Variants in GLYR1 observed in about 807,000 individuals in gnomAD.
GLYR1 encodes the protein cytokine-like nuclear factor N-PAC.
A neutral mutation model predicts 72.7 loss-of-function variants in GLYR1; 21 were observed. That is an observed-to-expected ratio of 0.29 (90% CI 0.20 to 0.42). The LOEUF (loss-of-function observed/expected upper bound fraction) is 0.42, where lower values mean the gene tolerates loss of function less well. Among genes scored for constraint, GLYR1 ranks in the 10% least tolerant of loss-of-function variants. The pLI is 1.00. For synonymous variants in GLYR1, 392 were observed against 270.2 expected (o/e 1.45, Z -4.42); for missense variants, 594 against 712.1 (o/e 0.83, Z 1.89).
intron 12 of GLYR1, among the ~76,000 whole-genome samples, chr16:4,813,180 G>C (rs972169330): frequency 2.0e-5 from 3 of 151,724 alleles, no homozygotes; most frequent in Admixed American, 1.3e-4. Context: ...AGCCAGGATG[G>C]TCTCGATCTC....
chr16:4,822,426 T>C (rs2084095268), intron 7 of GLYR1, among the ~76,000 whole-genome samples: 1 of 151,950 alleles, frequency 6.6e-6, no homozygotes, highest in Non-Finnish European at 1.5e-5. Context: ...AGTCTTACGC[T>C]GTTGCCCAGT....
intron 9 of GLYR1, 42 bp from the exon 10 acceptor site, chr16:4,817,739 G>C: frequency 8.3e-7 from 1 of 1,208,422 alleles, no homozygotes; most frequent in Non-Finnish European, 1.2e-6. Flanking sequence ...TGGAAAGGGA[G>C]GGTCACGGTG....
chr16:4,826,544 G>A (rs1196911098), intron 5 of GLYR1, among the ~76,000 whole-genome samples: 1 of 152,242 alleles, frequency 6.6e-6, no homozygotes, highest in Non-Finnish European at 1.5e-5. Context: ...AGCCTCGTCT[G>A]ACTTTTATGC....
intron 9 of GLYR1, among the ~76,000 whole-genome samples, chr16:4,820,280 T>C (rs984311070): frequency 1.3e-5 from 2 of 152,186 alleles, no homozygotes; most frequent in African/African-American, 2.4e-5. Context: ...TGAGCCACCA[T>C]GCCCAGGTCA....
chr16:4,832,742 C>T (rs1215535001), intron 4 of GLYR1, 32 bp downstream of exon 4: 1 of 1,580,532 alleles, frequency 6.3e-7, no homozygotes, highest in African/African-American at 1.4e-5. Context: ...ACCAGTCTGG[C>T]ATTGGTAGAA....
intron 2 of GLYR1, 113 bp downstream of exon 2, chr16:4,846,061 A>G: frequency 8.5e-7 from 1 of 1,182,120 alleles, no homozygotes; most frequent in Non-Finnish European, 1.3e-6. Context: ...TCTAAGTGCC[A>G]TCTGAATGAG....
rs1191186005 is a variant in GLYR1, at chr16:4,821,571, C to T, written c.708G>A (p.Thr236=). ...CCTCTTCACATATTTTCAACTTCTTCGTGATTGCCTGGTAACAGACAGCTG... is the reference window on the plus strand; with the variant it reads ...CCTCTTCACATATTTTCAACTTCTTTGTGATTGCCTGGTAACAGACAGCTG... ...EKPAVCYQAI[T]KKLKICEEET... is the part of the protein sequence containing the mutation. Residue 236 remains threonine (T), a synonymous_variant, in exon 8 of 16, where the codon ACG becomes ACA. Coordinates refer to ENST00000321919, the MANE Select transcript of GLYR1 (RefSeq NM_032569.4). 3.1e-6 allele frequency: 5 copies of T among 1,614,044 alleles called. No homozygotes were observed. Among genetic ancestry groups the T allele is most frequent in the East Asian group, 4.5e-5 (2 of 44,880 alleles).
chr16:4,812,804 T>G (rs549442500), intron 12 of GLYR1, among the ~76,000 whole-genome samples: 19 of 150,222 alleles, frequency 1.3e-4, no homozygotes, highest in Non-Finnish European at 2.2e-4. Flanking sequence ...ATTTTTTTGT[T>G]TTGTTTTTTT....
intron 3 of GLYR1, chr16:4,839,146 G>C (rs147022741): frequency 0.017 from 2,563 of 152,924 alleles, 70 homozygotes; most frequent in African/African-American, 0.057. Context: ...GCGGGGAGAA[G>C]ATGGCAGGGG....
Position 4,805,143 on chromosome 16 carries a change from C to A in GLYR1, c.*93G>T. On this transcript the variant is annotated 3_prime_UTR_variant, in exon 16 of 16. Coordinates refer to ENST00000321919, the MANE Select transcript of GLYR1 (RefSeq NM_032569.4). ...ATAAAAGGAAATGGAGATAGGTGGG[C>A]TGGTCCAGAATGAACTCCCAGGCCC... 1 of 989,662 alleles carries A rather than the reference C, an allele frequency of 1.0e-6. No homozygotes were observed. The allele number at this position is 989,662 out of a possible 1,614,324, so 61.3% of individuals were successfully genotyped here.
At chr16:4,808,097 G>A (rs561704803) in intron 15 of GLYR1, among the ~76,000 whole-genome samples, 5 of 152,106 alleles carry the variant, frequency 3.3e-5, no homozygotes, top group Non-Finnish European at 5.9e-5. Flanking sequence ...TTAGCCAAGT[G>A]TGGCGGTGCA....
Position 4,847,285 on chromosome 16 carries a change from C to G in GLYR1, c.-20G>C, listed in dbSNP as rs775226326. On this transcript the variant is annotated 5_prime_UTR_variant, in exon 1 of 16. Transcript: ENST00000321919. ...CGCCATCTTACCACCCAACCACCGC[C>G]GACGCACGGGCCGCCGGGAACAGCA... is the stretch of plus-strand genomic sequence containing the variant. 1.9e-6 allele frequency: 3 copies of G among 1,609,858 alleles called. No homozygotes were observed. The South Asian group carries it at 3.3e-5, about 18-fold the overall frequency.
chr16:4,847,203 G>A (rs778650849), intron 1 of GLYR1, 25 bp downstream of exon 1: 1 of 1,594,584 alleles, frequency 6.3e-7, no homozygotes, highest in African/African-American at 1.4e-5. Context: ...GGCGCGTCTC[G>A]GTTGGCCCGG....
chr16:4,835,061 T>C (rs1250493743), intron 3 of GLYR1, among the ~76,000 whole-genome samples: 5 of 152,112 alleles, frequency 3.3e-5, no homozygotes, highest in African/African-American at 1.2e-4. Context: ...CAGTTCTTCC[T>C]AGGAGCTTCT....
At chr16:4,814,488 A>T in intron 11 of GLYR1, 49 bp downstream of exon 11, 1 of 1,426,122 alleles carries the variant, frequency 7.0e-7, no homozygotes, top group Non-Finnish European at 9.9e-7. Context: ...GCCAGCCAGC[A>T]ATCCTGGCTG....
At chr16:4,828,153 T>C (rs2084533162) in intron 5 of GLYR1, among the ~76,000 whole-genome samples, 1 of 151,480 alleles carries the variant, frequency 6.6e-6, no homozygotes, top group Non-Finnish European at 1.5e-5. Context: ...CACTTCAAGC[T>C]CCGCCTCCCG....
In GLYR1 at chr16:4,808,179, T is replaced by C. The variant is rs567183018; in HGVS notation, c.1588-2869A>G. On this transcript the variant is annotated intron_variant, in intron 15 of 15. Transcript: ENST00000321919. ...TTAACCCAAGAGGTGGGGGCTGCAG[T>C]GAACTGAGATCATGTCACTGCACTC... Among the ~76,000 whole-genome samples, 18 of 138,724 alleles carry C rather than the reference T, an allele frequency of 1.3e-4. No homozygotes were observed. The Admixed American group carries it at 1.4e-3, about 11-fold the overall frequency. 91.0% of individuals were successfully genotyped at this position (138,724 alleles called of 152,430 possible).
chr16:4,825,211 G>A (rs1479152269), intron 5 of GLYR1, among the ~76,000 whole-genome samples: 1 of 152,160 alleles, frequency 6.6e-6, no homozygotes, highest in Non-Finnish European at 1.5e-5. Flanking sequence ...TAAAGCTACG[G>A]GCTTCATGAG....
chr16:4,819,232 C>T (rs1027799794), intron 9 of GLYR1, among the ~76,000 whole-genome samples: 2 of 151,832 alleles, frequency 1.3e-5, no homozygotes, highest in Non-Finnish European at 2.9e-5. Context: ...AGGCTGGTCT[C>T]GAACTTTTGG....
Sources: allele counts gnomAD v4.1 joint callset (sites outside exome capture counted in the v4.1 genomes callset), GRCh38; gene constraint gnomAD v4.1.1; transcripts MANE v1.5; gene names NCBI Gene and HGNC (gene_info 2026-07-23, HGNC 2026-07-21).